The following BICD2 variants were observed in gnomAD, a reference collection of about 807,000 sequenced individuals.
BICD2 encodes the protein protein bicaudal D homolog 2.
BICD2 carries 25 observed loss-of-function variants against 72.9 expected under a neutral mutation model. That is an observed-to-expected ratio of 0.34 (90% confidence interval 0.25 to 0.48). The LOEUF is 0.48. Among genes scored for constraint, BICD2 ranks in the 20% least tolerant of loss-of-function variants. BICD2 has a pLI of 0.99. For missense variants in BICD2, 894 were observed against 1,175.2 expected (o/e 0.76, Z 3.50); for synonymous variants, 501 against 516.1 (o/e 0.97, Z 0.40).
intron 1 of BICD2, among the ~76,000 whole-genome samples, chr9:92,755,793 C>T (rs1854242022): frequency 1.3e-5 from 2 of 152,208 alleles, no homozygotes; most frequent in South Asian, 2.1e-4. Context: ...CAGAGCAAAG[C>T]AGATGGGGAG....
In BICD2 at chr9:92,720,188, A is replaced by G; in HGVS notation, c.1062+112T>C. ...CGTAATGATGCAGGAGATAAAATCA[A>G]CGTAAGGAAAAGGGAAAGTTAACAT... On this transcript the variant is annotated intron_variant, in intron 4 of 6. Coordinates refer to ENST00000356884, the MANE Select transcript of BICD2 (RefSeq NM_001003800.2). The surrounding 1 kb of genome is among the most constrained non-coding windows in gnomAD (Gnocchi z 5.4). The G allele has an allele frequency of 1.8e-6, 2 of 1,083,500 alleles. No individual in the cohort carries two copies. The highest frequency in any genetic ancestry group is 2.6e-6 in the Non-Finnish European group (2 of 774,462). The allele number at this position is 1,083,500 out of a possible 1,614,324, so 67.1% of individuals were successfully genotyped here. A position where few individuals can be genotyped will look rare whatever the true frequency, so the allele number is the denominator to read the frequency against.
chr9:92,747,616 A>AC (rs1364084546), intron 1 of BICD2, among the ~76,000 whole-genome samples: 1 of 151,956 alleles, frequency 6.6e-6, no homozygotes, highest in Non-Finnish European at 1.5e-5. Context: ...TTCAGCCAGC[A>AC]CCCCCATCAC....
chr9:92,764,447 C>T lies in BICD2; in HGVS notation c.240+58G>A. 4 of 1,423,162 alleles carry T rather than the reference C, an allele frequency of 2.8e-6. No homozygotes were observed. Among genetic ancestry groups the T allele is most frequent in the South Asian group, 1.4e-5 (1 of 69,586 alleles). The allele number at this position is 1,423,162 out of a possible 1,614,324, so 88.2% of individuals were successfully genotyped here. On this transcript the variant is annotated intron_variant, in intron 1 of 6. Transcript: ENST00000356884. The surrounding 1 kb of genome is among the most constrained non-coding windows in gnomAD (Gnocchi z 5.5). ...ACCTTGGCCGCCCTGGTGCCAGGGA[C>T]GACGCCCACAGGCCCCGGCGCCGGG...
At chr9:92,725,360 T>C (rs1853547615) in intron 2 of BICD2, among the ~76,000 whole-genome samples, 1 of 152,244 alleles carries the variant, frequency 6.6e-6, no homozygotes, top group South Asian at 2.1e-4. Flanking sequence ...TCTCTGCTGA[T>C]GCTGTAGTAG....
At chr9:92,751,025 C>T (rs927797819) in intron 1 of BICD2, among the ~76,000 whole-genome samples, 1 of 152,134 alleles carries the variant, frequency 6.6e-6, no homozygotes, top group African/African-American at 2.4e-5. Flanking sequence ...ATTCTCCTGC[C>T]TCAGCCTCCC....
chr9:92,722,521 G>GTA, intron 3 of BICD2, 135 bp downstream of exon 3: 1 of 1,192,702 alleles, frequency 8.4e-7, no homozygotes, highest in Non-Finnish European at 1.2e-6. Context: ...CTCCACAGTG[G>GTA]TAAAGCTGGC....
At chr9:92,763,841 G>A (rs1204109947) in intron 1 of BICD2, among the ~76,000 whole-genome samples, 1 of 152,312 alleles carries the variant, frequency 6.6e-6, no homozygotes, top group East Asian at 1.9e-4. Context: ...GCTGGTGGGA[G>A]CGCAATCCCG....
intron 5 of BICD2, 99 bp from the exon 6 acceptor site, chr9:92,718,047 A>C (rs1023226230): frequency 1.4e-6 from 2 of 1,437,810 alleles, no homozygotes; most frequent in African/African-American, 2.8e-5. Flanking sequence ...AAGTGGTGGC[A>C]GTGCCTGGGA....
At chr9:92,753,423 G>T (rs1028499705) in intron 1 of BICD2, among the ~76,000 whole-genome samples, 4 of 152,170 alleles carry the variant, frequency 2.6e-5, no homozygotes, top group Non-Finnish European at 5.9e-5. Flanking sequence ...GGAGGCAGCT[G>T]GGTGTGGGGT....
chr9:92,716,544 C>T (rs919395206), intron 6 of BICD2, among the ~76,000 whole-genome samples: 5 of 152,166 alleles, frequency 3.3e-5, no homozygotes, highest in East Asian at 3.9e-4. Context: ...GCAGTTCCCA[C>T]CCTGTCCAGC....
At chr9:92,733,246 A>G (rs982130389) in intron 1 of BICD2, among the ~76,000 whole-genome samples, 1 of 152,206 alleles carries the variant, frequency 6.6e-6, no homozygotes, top group African/African-American at 2.4e-5. Flanking sequence ...ATGTCAAAGA[A>G]TAGTTTTTCG....
intron 1 of BICD2, among the ~76,000 whole-genome samples, chr9:92,737,760 A>T (rs1479002840): frequency 6.6e-6 from 1 of 152,214 alleles, no homozygotes; most frequent in Non-Finnish European, 1.5e-5. Context: ...GTGAAAGTAA[A>T]ACTATACATA....
At chr9:92,739,928 C>A (rs1316863101) in intron 1 of BICD2, among the ~76,000 whole-genome samples, 1 of 152,132 alleles carries the variant, frequency 6.6e-6, no homozygotes, top group Admixed American at 6.5e-5. Flanking sequence ...CGCAGGAGAC[C>A]AAGTGGCATC....
chr9:92,756,419 G>A (rs1417348910), intron 1 of BICD2, among the ~76,000 whole-genome samples: 5 of 151,862 alleles, frequency 3.3e-5, no homozygotes, highest in Non-Finnish European at 2.9e-5. Context: ...CTGCCACCAA[G>A]CCCGGCTAAT....
intron 1 of BICD2, among the ~76,000 whole-genome samples, chr9:92,754,309 T>C (rs1266710114): frequency 6.6e-6 from 1 of 152,170 alleles, no homozygotes; most frequent in Non-Finnish European, 1.5e-5. Flanking sequence ...TGTAGGTGCG[T>C]GTATCCTGTG....
chr9:92,759,912 T>C (rs1014189658), intron 1 of BICD2, among the ~76,000 whole-genome samples: 4 of 152,206 alleles, frequency 2.6e-5, no homozygotes, highest in Non-Finnish European at 5.9e-5. Flanking sequence ...GGGACTGTGG[T>C]CCCTAAGTGA....
In BICD2 at chr9:92,722,738, G is replaced by C. The variant is rs1853488969; in HGVS notation, c.524C>G (p.Ala175Gly). The C allele has an allele frequency of 6.2e-7, 1 of 1,614,200 alleles. No homozygotes were observed. The highest frequency in any genetic ancestry group is 8.5e-7 in the Non-Finnish European group (1 of 1,180,038). Residue 175 changes from alanine (A) to glycine (G), a missense_variant, in exon 3 of 7, where the codon GCT (alanine) becomes GGT (glycine). Around this residue, in one of 5 missense-constraint regions of BICD2, gnomAD observed 192 missense variants for 243.6 expected, o/e 0.79. Coordinates refer to ENST00000356884, the MANE Select transcript of BICD2 (RefSeq NM_001003800.2). ...TTCCGAGTAGTCCTGCAGCAGACGA[G>C]CTTCCCGGAATTTGTACTCCTTGAT... ...DDIKEYKFRE[A>G]RLLQDYSELE...
At chr9:92,747,124 A>T (rs1854029825) in intron 1 of BICD2, among the ~76,000 whole-genome samples, 1 of 152,150 alleles carries the variant, frequency 6.6e-6, no homozygotes, top group African/African-American at 2.4e-5. Context: ...CTGGTGGCCC[A>T]CCAAGCTCCC....
intron 1 of BICD2, among the ~76,000 whole-genome samples, chr9:92,731,294 G>A (rs1291829616): frequency 6.6e-6 from 1 of 152,180 alleles, no homozygotes; most frequent in African/African-American, 2.4e-5. Flanking sequence ...TAAATGCCAT[G>A]ACACGACATT....
Sources: allele counts gnomAD v4.1 joint callset (sites outside exome capture counted in the v4.1 genomes callset), GRCh38; gene constraint gnomAD v4.1.1; regional missense constraint gnomAD v4.1.1; non-coding constraint Gnocchi (gnomAD v3.1); transcripts MANE v1.5; gene names NCBI Gene and HGNC (gene_info 2026-07-23, HGNC 2026-07-21).